Variants in KCTD16 observed in about 807,000 individuals in gnomAD.
KCTD16 encodes the protein potassium channel tetramerization domain containing 16.
KCTD16 carries 13 observed loss-of-function variants against 33.2 expected under a neutral mutation model. The ratio of observed to expected loss-of-function variants is 0.39; its 90% CI spans 0.25 to 0.62. The LOEUF is 0.62. Ranked by LOEUF, KCTD16 falls within the 20% of genes least tolerant of loss-of-function variation. The probability of loss-of-function intolerance (pLI) is 0.50; values close to 1 mark genes in which losing one functional copy is unlikely to be tolerated. For synonymous variants in KCTD16, 197 were observed against 195.3 expected, an observed-to-expected ratio of 1.01 and a Z score of -0.07; for missense variants, 441 against 525.1, an observed-to-expected ratio of 0.84 and a Z score of 1.57.
intron 3 of KCTD16, among the ~76,000 whole-genome samples, chr5:144,308,582 A>G (rs1477953385): frequency 1.3e-5 from 2 of 152,194 alleles, no homozygotes; most frequent in Non-Finnish European, 2.9e-5. Flanking sequence ...ATCCCATCCT[A>G]TGCTGGTTTG....
intron 3 of KCTD16, among the ~76,000 whole-genome samples, chr5:144,400,133 G>C (rs1351848381): frequency 6.6e-6 from 1 of 152,196 alleles, no homozygotes; most frequent in Non-Finnish European, 1.5e-5. Context: ...GATTCAGACA[G>C]AGGAAGGTAG....
At chr5:144,386,835 C>T (rs1338290357) in intron 3 of KCTD16, among the ~76,000 whole-genome samples, 1 of 152,224 alleles carries the variant, frequency 6.6e-6, no homozygotes, top group African/African-American at 2.4e-5. Flanking sequence ...ACAACTCAGG[C>T]TCCATCAGTC....
At chr5:144,225,913 G>A (rs532502802) in intron 3 of KCTD16, among the ~76,000 whole-genome samples, 2 of 152,262 alleles carry the variant, frequency 1.3e-5, no homozygotes, top group South Asian at 4.1e-4. Context: ...AGCTATTATA[G>A]CAGCAAGCTT....
At position 144,446,546 on chromosome 5, in the gene KCTD16, A is replaced by T. The variant is rs540115713; in HGVS notation, c.833-27114A>T. Among the ~76,000 whole-genome samples, 24 of 152,302 alleles carry T rather than the reference A, an allele frequency of 1.6e-4. No homozygotes were observed. In the South Asian group the frequency reaches 5.0e-3, roughly 32 times the overall value. The stretch of plus-strand genomic sequence containing the variant: ...AAAAGCAATTGCAACAAAAGCCAAA[A>T]TTGACAAATGAGATCTAATTAAAAT... On this transcript the variant is annotated intron_variant, in intron 3 of 3. Transcript: ENST00000512467.
chr5:144,448,672 A>G (rs1753875844), intron 3 of KCTD16, among the ~76,000 whole-genome samples: 1 of 152,090 alleles, frequency 6.6e-6, no homozygotes, highest in Non-Finnish European at 1.5e-5. Context: ...TGACAGCTCT[A>G]AGGAACCTTC....
intron 3 of KCTD16, among the ~76,000 whole-genome samples, chr5:144,229,348 C>A (rs1754029760): frequency 6.6e-6 from 1 of 152,024 alleles, no homozygotes; most frequent in Non-Finnish European, 1.5e-5. Flanking sequence ...TTTTTGGAAT[C>A]TGGTACTAGA....
intron 3 of KCTD16, among the ~76,000 whole-genome samples, chr5:144,274,800 T>G (rs1346752540): frequency 3.9e-5 from 6 of 152,208 alleles, no homozygotes; most frequent in Non-Finnish European, 4.4e-5. Flanking sequence ...CTTGGATTTA[T>G]GTACTGAAGG....
chr5:144,292,853 A>C (rs1233908544), intron 3 of KCTD16, among the ~76,000 whole-genome samples: 11 of 152,128 alleles, frequency 7.2e-5, no homozygotes, highest in Admixed American at 1.3e-4. Flanking sequence ...ATCCACAGAG[A>C]GAGCGCTAGG....
At chr5:144,420,929 C>T (rs898829929) in intron 3 of KCTD16, among the ~76,000 whole-genome samples, 2 of 152,148 alleles carry the variant, frequency 1.3e-5, no homozygotes, top group Non-Finnish European at 2.9e-5. Context: ...AAAGTCATCT[C>T]AAAGCCAATA....
rs1465112456 is a variant in KCTD16 at position 144,464,011 on chromosome 5, A to G, written c.833-9649A>G. Among the ~76,000 whole-genome samples, 4 of 152,226 alleles carry G rather than the reference A, an allele frequency of 2.6e-5. No homozygotes were observed. In the South Asian group the frequency reaches 6.2e-4, roughly 24 times the overall value. On this transcript the variant is annotated intron_variant, in intron 3 of 3. Coordinates refer to ENST00000512467, the MANE Select transcript of KCTD16 (RefSeq NM_020768.4). ...TTCGGCACAGCTGCTAAATTTTGTC[A>G]GTCTTCCTATTCTGTTATCATGTGA... is the stretch of plus-strand genomic sequence containing the variant.
chr5:144,418,871 G>C (rs1194301994), intron 3 of KCTD16, among the ~76,000 whole-genome samples: 1 of 152,122 alleles, frequency 6.6e-6, no homozygotes, highest in Non-Finnish European at 1.5e-5. Context: ...ACCATGAGAA[G>C]TATTATGAGG....
At chr5:144,303,814 T>C (rs1294962229) in intron 3 of KCTD16, among the ~76,000 whole-genome samples, 1 of 152,124 alleles carries the variant, frequency 6.6e-6, no homozygotes, top group Non-Finnish European at 1.5e-5. Flanking sequence ...CATAAGTTGG[T>C]TGGATTTGGG....
chr5:144,319,646 G>A (rs1386038408), intron 3 of KCTD16, among the ~76,000 whole-genome samples: 2 of 152,142 alleles, frequency 1.3e-5, no homozygotes, highest in Non-Finnish European at 1.5e-5. Flanking sequence ...CAGTTTCACT[G>A]TCAATGTTGT....
intron 3 of KCTD16, among the ~76,000 whole-genome samples, chr5:144,409,773 T>A (rs946808001): frequency 1.3e-5 from 2 of 151,986 alleles, no homozygotes; most frequent in African/African-American, 4.8e-5. Context: ...GCCGAGATCA[T>A]GCCACTGCAC....
At chr5:144,300,275 G>T (rs1751397092) in intron 3 of KCTD16, among the ~76,000 whole-genome samples, 1 of 152,132 alleles carries the variant, frequency 6.6e-6, no homozygotes, top group Admixed American at 6.5e-5. Flanking sequence ...TGCAAAAATA[G>T]ATCAAGATAT....
intron 3 of KCTD16, among the ~76,000 whole-genome samples, chr5:144,363,712 C>T (rs1264156122): frequency 6.6e-6 from 1 of 152,080 alleles, no homozygotes; most frequent in Non-Finnish European, 1.5e-5. Flanking sequence ...CGCCTAGTCT[C>T]ATTTCATTCT....
At chr5:144,342,950 G>A (rs1752686684) in intron 3 of KCTD16, among the ~76,000 whole-genome samples, 1 of 152,176 alleles carries the variant, frequency 6.6e-6, no homozygotes, top group African/African-American at 2.4e-5. Context: ...TGGTGGATGA[G>A]CTTTTTGATG....
intron 3 of KCTD16, among the ~76,000 whole-genome samples, chr5:144,330,693 T>C (rs1752336431): frequency 6.6e-6 from 1 of 152,164 alleles, no homozygotes; most frequent in Admixed American, 6.6e-5. Flanking sequence ...ACAACATTGA[T>C]TACCAATAGC....
At chr5:144,211,746 C>T (rs1040026792) in intron 3 of KCTD16, among the ~76,000 whole-genome samples, 5 of 152,202 alleles carry the variant, frequency 3.3e-5, no homozygotes, top group Middle Eastern at 3.4e-3. Flanking sequence ...ATGGTATTGG[C>T]ACATTCAAAG....
Sources: allele counts gnomAD v4.1 joint callset (sites outside exome capture counted in the v4.1 genomes callset), GRCh38; gene constraint gnomAD v4.1.1; transcripts MANE v1.5; gene names NCBI Gene and HGNC (gene_info 2026-07-23, HGNC 2026-07-21).